ADARB2: variants seen among roughly 807,000 people sequenced by gnomAD.
ADARB2 encodes adenosine deaminase RNA specific B2 (inactive), also known as inactive double-stranded RNA-specific editase B2.
In ADARB2, 25 loss-of-function variants were observed where a neutral mutation model predicts 62.2. That is an observed-to-expected ratio of 0.40 (90% confidence interval 0.29 to 0.56). The LOEUF is 0.56. ADARB2 is among the 20% of genes least tolerant of loss of function. ADARB2 has a pLI of 0.43. For missense variants in ADARB2, 1,071 were observed against 1,077.4 expected (o/e 0.99, Z 0.08); for synonymous variants, 572 against 500.8 (o/e 1.14, Z -1.90).
intron 1 of ADARB2, among the ~76,000 whole-genome samples, chr10:1,696,582 C>T (rs756721323): frequency 7.2e-5 from 11 of 152,154 alleles, no homozygotes; most frequent in African/African-American, 2.4e-4. Context: ...AGGTGGTAGA[C>T]ATTTAGGCCT....
At chr10:1,199,924 G>A (rs998779581) in intron 8 of ADARB2, 42 bp downstream of exon 8, 22 of 1,469,156 alleles carry the variant, frequency 1.5e-5, no homozygotes, top group Non-Finnish European at 1.9e-5. Context: ...CTGGCCTGGT[G>A]GTGGGAAGGA....
chr10:1,671,829 C>G (rs1019224564), intron 1 of ADARB2, among the ~76,000 whole-genome samples: 1 of 152,092 alleles, frequency 6.6e-6, no homozygotes, highest in African/African-American at 2.4e-5. Flanking sequence ...CACCGAGATG[C>G]CCAGGAAATC....
chr10:1,286,014 C>G (rs867056845), intron 3 of ADARB2, among the ~76,000 whole-genome samples: 1 of 143,138 alleles, frequency 7.0e-6, no homozygotes, highest in South Asian at 2.5e-4. Context: ...AATCCAGGAC[C>G]GTTGCCCCGA....
At chr10:1,733,412 GAA>G (rs5782597) in intron 1 of ADARB2, among the ~76,000 whole-genome samples, 3 of 151,062 alleles carry the variant, frequency 2.0e-5, no homozygotes, top group South Asian at 2.1e-4. Context: ...GCTTCTTTTA[GAA>G]AAAAAAATAC....
intron 1 of ADARB2, chr10:1,556,771 G>C (rs1832710225): frequency 1.9e-6 from 1 of 534,482 alleles, no homozygotes; most frequent in Non-Finnish European, 3.8e-6. Flanking sequence ...GAAGACCCCA[G>C]ATCTTCCTGC....
At chr10:1,218,040 AT>A (rs2131755019) in intron 6 of ADARB2, among the ~76,000 whole-genome samples, 1 of 152,122 alleles carries the variant, frequency 6.6e-6, no homozygotes, top group East Asian at 1.9e-4. Context: ...CTTTGAAAAA[AT>A]TTTGTATGTT....
Position 1,353,353 on chromosome 10 carries a change from G to T in ADARB2, c.1077+9675C>A, listed in dbSNP as rs181176571. On this transcript the variant is annotated intron_variant, in intron 3 of 9. Transcript: ENST00000381312. ...TCTAATCCCTCCTTAGCGAACATCCGCTGGCTTTGCATTTCCCTTTCTTCC... is the reference window on the plus strand; with the variant it reads ...TCTAATCCCTCCTTAGCGAACATCCTCTGGCTTTGCATTTCCCTTTCTTCC... Among the ~76,000 whole-genome samples the T allele has an allele frequency of 1.1e-4, 17 of 152,180 alleles. No individual in the cohort carries two copies. The South Asian group carries it at 3.5e-3, about 32-fold the overall frequency.
chr10:1,586,901 A>G (rs943895220), intron 1 of ADARB2, among the ~76,000 whole-genome samples: 2 of 152,210 alleles, frequency 1.3e-5, no homozygotes, highest in Non-Finnish European at 1.5e-5. Context: ...ATGAAATACA[A>G]TGTAATGAAA....
intron 1 of ADARB2, among the ~76,000 whole-genome samples, chr10:1,729,983 A>C (rs1417095605): frequency 6.6e-6 from 1 of 152,214 alleles, no homozygotes; most frequent in Non-Finnish European, 1.5e-5. Flanking sequence ...TAAATCGATA[A>C]ATTCTCCAAA....
chr10:1,594,344 C>T (rs929843835), intron 1 of ADARB2, among the ~76,000 whole-genome samples: 2 of 152,210 alleles, frequency 1.3e-5, no homozygotes, highest in Non-Finnish European at 2.9e-5. Context: ...ACCACGTCTG[C>T]GTGACTGCCT....
intron 4 of ADARB2, among the ~76,000 whole-genome samples, chr10:1,250,699 C>G (rs1456541466): frequency 1.3e-5 from 2 of 152,144 alleles, no homozygotes; most frequent in Non-Finnish European, 2.9e-5. Flanking sequence ...ATAAAGTACC[C>G]AGTCTCATGT....
intron 1 of ADARB2, among the ~76,000 whole-genome samples, chr10:1,612,834 C>T (rs1306916097): frequency 1.3e-5 from 2 of 152,230 alleles, no homozygotes; most frequent in Non-Finnish European, 2.9e-5. Context: ...GCCTCTTGCT[C>T]TGCAAAACCT....
intron 4 of ADARB2, among the ~76,000 whole-genome samples, chr10:1,260,178 A>C (rs1268681026): frequency 6.6e-6 from 1 of 152,210 alleles, no homozygotes; most frequent in South Asian, 2.1e-4. Flanking sequence ...ATCTATGACA[A>C]ACCCACAGCC....
intron 3 of ADARB2, among the ~76,000 whole-genome samples, chr10:1,279,757 C>T (rs1831353904): frequency 1.3e-5 from 2 of 152,184 alleles, no homozygotes; most frequent in African/African-American, 4.8e-5. Flanking sequence ...CTTTCTCTCT[C>T]TTGGAAAGGG....
intron 1 of ADARB2, among the ~76,000 whole-genome samples, chr10:1,445,056 T>G (rs554824541): frequency 1.4e-5 from 2 of 146,580 alleles, no homozygotes; most frequent in South Asian, 4.5e-4. Flanking sequence ...TCCATCCATC[T>G]ACATTAATCC....
intron 1 of ADARB2, among the ~76,000 whole-genome samples, chr10:1,509,140 G>A (rs547467066): frequency 6.6e-6 from 1 of 152,280 alleles, no homozygotes; most frequent in East Asian, 1.9e-4. Flanking sequence ...TCGGTGATTA[G>A]CGTGTTTTTC....
intron 1 of ADARB2, among the ~76,000 whole-genome samples, chr10:1,414,906 A>G (rs1832789077): frequency 6.6e-6 from 1 of 152,128 alleles, no homozygotes; most frequent in Non-Finnish European, 1.5e-5. Flanking sequence ...TGGATAAAGG[A>G]ATGGTGAATG....
chr10:1,217,164 C>T (rs1830636974), intron 6 of ADARB2, 45 bp from the exon 7 acceptor site: 2 of 1,502,344 alleles, frequency 1.3e-6, no homozygotes, highest in Admixed American at 2.1e-5. Context: ...GGGAAGCCGC[C>T]TTGGTTTTGG....
intron 3 of ADARB2, among the ~76,000 whole-genome samples, chr10:1,329,550 C>A (rs1831908156): frequency 6.6e-6 from 1 of 152,184 alleles, no homozygotes; most frequent in Non-Finnish European, 1.5e-5. Flanking sequence ...GTCTCCTGAC[C>A]CTTGCTGGGA....
Sources: allele counts gnomAD v4.1 joint callset (sites outside exome capture counted in the v4.1 genomes callset), GRCh38; gene constraint gnomAD v4.1.1; transcripts MANE v1.5; gene names NCBI Gene and HGNC (gene_info 2026-07-23, HGNC 2026-07-21).